The following CCDC60 variants were observed in gnomAD, a reference collection of about 807,000 sequenced individuals.
CCDC60 encodes the protein coiled-coil domain containing 60.
In CCDC60, 54 loss-of-function variants were observed where a neutral mutation model predicts 63.5. The ratio of observed to expected loss-of-function variants is 0.85; its 90% CI spans 0.68 to 1.07. The LOEUF is 1.07. Ranked by LOEUF, CCDC60 falls within the 50% of genes least tolerant of loss-of-function variation. CCDC60 has a pLI of 0.00. For missense variants in CCDC60, 651 were observed against 684.3 expected, an observed-to-expected ratio of 0.95 and a Z score of 0.54; for synonymous variants, 206 against 238.8, an observed-to-expected ratio of 0.86 and a Z score of 1.27.
At chr12:119,496,724 G>A (rs1157369272) in intron 5 of CCDC60, among the ~76,000 whole-genome samples, 5 of 152,166 alleles carry the variant, frequency 3.3e-5, no homozygotes, top group South Asian at 4.1e-4. Flanking sequence ...GGTTCAGAGA[G>A]ACTAAATTAC....
At position 119,505,239 on chromosome 12, in the gene CCDC60, C is replaced by T. The variant is rs1428036056; in HGVS notation, c.819C>T (p.Ser273=). 1 of 1,613,734 alleles carries T rather than the reference C, an allele frequency of 6.2e-7. No homozygotes were observed. The highest frequency in any genetic ancestry group is 8.5e-7 in the Non-Finnish European group (1 of 1,180,040). Residue 273 remains serine (S), a synonymous_variant, in exon 7 of 14, where the codon AGC becomes AGT. Transcript: ENST00000327554. ...CAAGTGTGAACACCCAGGTGACCAG[C>T]AGCAAGGACATTGAGGACAATGAGT... is the stretch of plus-strand genomic sequence containing the variant. ...EPPSVNTQVT[S]SKDIEDNESS... is the part of the protein sequence containing the mutation.
At chr12:119,431,883 G>A (rs1452199333) in intron 2 of CCDC60, among the ~76,000 whole-genome samples, 3 of 152,106 alleles carry the variant, frequency 2.0e-5, no homozygotes, top group Non-Finnish European at 4.4e-5. Context: ...GTTTCACCAC[G>A]TTAGCCAGGA....
chr12:119,456,069 A>G lies in CCDC60; in HGVS notation c.171-15925A>G, dbSNP rs1395311062. Among the ~76,000 whole-genome samples, 1 of 87,076 alleles carries G rather than the reference A, an allele frequency of 1.1e-5. No homozygotes were observed. Among genetic ancestry groups the G allele is most frequent in the East Asian group, 4.2e-4 (1 of 2,402 alleles). 57.1% of individuals were successfully genotyped at this position (87,076 alleles called of 152,430 possible). ...AAAGAAAGAAAGAAAGAAAGCAAGC[A>G]AGCATGTGCAATTTCAAGGGGGTAG... On this transcript the variant is annotated intron_variant, in intron 2 of 13. Coordinates refer to ENST00000327554, the MANE Select transcript of CCDC60 (RefSeq NM_178499.5). This position sits in a 1 kb window ranked among gnomAD's most constrained non-coding sequence, Gnocchi z 4.6.
At position 119,418,386 on chromosome 12, in the gene CCDC60, C is replaced by CTTTTTTTTTT. The variant is rs556783132; in HGVS notation, c.91-10260_91-10251dup. On this transcript the variant is annotated intron_variant, in intron 1 of 13. Transcript: ENST00000327554. Reference sequence around the variant, plus strand: ...TCTTTCTTTTTCCTTTTCTTTCTTTCTTTTTTTTTTTTTTTTTTTTTTTTT... The same window carrying CTTTTTTTTTT: ...TCTTTCTTTTTCCTTTTCTTTCTTTCTTTTTTTTTTTTTTTTTTTTTTTTTTTTTTTTTTT... 3.5e-4 allele frequency among the ~76,000 whole-genome samples: 23 copies of CTTTTTTTTTT among 65,760 alleles called. 3 individuals carry two copies. Among genetic ancestry groups the CTTTTTTTTTT allele is most frequent in the Non-Finnish European group, 5.6e-4 (21 of 37,254 alleles). 43.1% of individuals were successfully genotyped at this position (65,760 alleles called of 152,430 possible).
intron 11 of CCDC60, chr12:119,524,363 T>C (rs544573662): frequency 1.3e-6 from 1 of 760,336 alleles, no homozygotes; most frequent in East Asian, 1.3e-4. Flanking sequence ...TTCCCTGTTC[T>C]GATAACCCAA....
At position 119,540,815 on chromosome 12, in the gene CCDC60, A is replaced by G. The variant is rs1051126403; in HGVS notation, c.*100A>G. On this transcript the variant is annotated 3_prime_UTR_variant, in exon 14 of 14. Transcript: ENST00000327554. Reference sequence around the variant, plus strand: ...TCCTGCCTCCTGACTACCCTCATGGATGCTCTTTATGGATGACCCTTTACA... The same window carrying G: ...TCCTGCCTCCTGACTACCCTCATGGGTGCTCTTTATGGATGACCCTTTACA... 2.5e-6 allele frequency: 2 copies of G among 790,160 alleles called. No homozygotes were observed. The highest frequency in any genetic ancestry group is 4.2e-6 in the Non-Finnish European group (2 of 475,066). The allele number at this position is 790,160 out of a possible 1,614,324, so 48.9% of individuals were successfully genotyped here. A position where few individuals can be genotyped will look rare whatever the true frequency, so the allele number is the denominator to read the frequency against.
In CCDC60 at chr12:119,523,328, G is replaced by A. The variant is rs570016017; in HGVS notation, c.1103+327G>A. Among the ~76,000 whole-genome samples the A allele has an allele frequency of 8.3e-4, 126 of 152,350 alleles. 2 individuals carry two copies. Among genetic ancestry groups the A allele is most frequent in the Middle Eastern group, 6.8e-3 (2 of 294 alleles). On this transcript the variant is annotated intron_variant, in intron 10 of 13. Transcript: ENST00000327554. ...AAGGAGCAGGCTGAAACCTGGCCAC[G>A]TGAAATGTCTTGCCTGAGGCCACAC...
chr12:119,436,795 C>A (rs1950334817), intron 2 of CCDC60, among the ~76,000 whole-genome samples: 1 of 152,156 alleles, frequency 6.6e-6, no homozygotes, highest in African/African-American at 2.4e-5. Flanking sequence ...CCTCGGCCTC[C>A]CAGAGTGCTG....
Position 119,500,079 on chromosome 12 carries a change from G to C in CCDC60, c.559G>C (p.Asp187His). The change falls in exon 6 of 14, where the codon GAC (aspartate) becomes CAC (histidine). Residue 187 changes from aspartate (D) to histidine (H), a missense_variant and splice_region_variant. By Grantham distance (81) the Asp-to-His change is moderately conservative. Coordinates refer to ENST00000327554, the MANE Select transcript of CCDC60 (RefSeq NM_178499.5). ...KPVITCWNPK[D>H]PGGSKSTIKK... is the part of the protein sequence containing the mutation. ...CTCATTAAGCTGTTTCTCACTCAGG[G>C]ACCCGGGTGGAAGCAAGAGCACCAT... 6.2e-7 allele frequency: 1 copy of C among 1,609,174 alleles called. No individual in the cohort carries two copies. The highest frequency in any genetic ancestry group is 8.5e-7 in the Non-Finnish European group (1 of 1,175,922).
In CCDC60 at chr12:119,410,727, G is replaced by A. The variant is rs1228306400; in HGVS notation, c.91-17956G>A. 6.6e-6 allele frequency among the ~76,000 whole-genome samples: 1 copy of A among 151,948 alleles called. No homozygotes were observed. Among genetic ancestry groups the A allele is most frequent in the African/African-American group, 2.4e-5 (1 of 41,282 alleles). ...GGATGATATCCCCATAACAAAAGAC[G>A]TATTAATGAAAGAAAAGCATAACAA... On this transcript the variant is annotated intron_variant, in intron 1 of 13. Coordinates refer to ENST00000327554, the MANE Select transcript of CCDC60 (RefSeq NM_178499.5). This position sits in a 1 kb window ranked among gnomAD's most constrained non-coding sequence, Gnocchi z 4.0.
chr12:119,527,136 T>A (rs1382188015), intron 11 of CCDC60, among the ~76,000 whole-genome samples: 1 of 152,194 alleles, frequency 6.6e-6, no homozygotes, highest in African/African-American at 2.4e-5. Flanking sequence ...AGCTGAAGGC[T>A]ATGATCCTAG....
intron 2 of CCDC60, among the ~76,000 whole-genome samples, chr12:119,460,701 A>AT (rs1950840113): frequency 6.6e-6 from 1 of 152,198 alleles, no homozygotes; most frequent in African/African-American, 2.4e-5. Flanking sequence ...TTATGTGTTC[A>AT]TTCAATTCAT....
At chr12:119,439,896 A>G (rs530850319) in intron 2 of CCDC60, among the ~76,000 whole-genome samples, 178 of 152,340 alleles carry the variant, frequency 1.2e-3, no homozygotes, top group Non-Finnish European at 2.2e-3. Flanking sequence ...GATTCTCCCA[A>G]TGAGGGAAAA....
chr12:119,524,415 C>A (rs1952622913), intron 11 of CCDC60: 1 of 984,200 alleles, frequency 1.0e-6, no homozygotes. Context: ...CTCCAGAGAC[C>A]ATCCATCCCG....
chr12:119,539,061 G>A (rs1953086359), intron 13 of CCDC60, among the ~76,000 whole-genome samples: 1 of 152,180 alleles, frequency 6.6e-6, no homozygotes, highest in African/African-American at 2.4e-5. Flanking sequence ...TCCTTCCTCT[G>A]GAAGCTTCAT....
chr12:119,423,457 G>T (rs1956848964), intron 1 of CCDC60, among the ~76,000 whole-genome samples: 1 of 152,122 alleles, frequency 6.6e-6, no homozygotes, highest in East Asian at 1.9e-4. Flanking sequence ...TTTCCCAGGG[G>T]CCCTTGCAGC....
At chr12:119,345,882 A>T (rs1387636926) in intron 1 of CCDC60, among the ~76,000 whole-genome samples, 1 of 151,166 alleles carries the variant, frequency 6.6e-6, no homozygotes, top group Non-Finnish European at 1.5e-5. Flanking sequence ...CAGTGGCGCG[A>T]TCTCAGCTCA....
chr12:119,505,467 G>A (rs1951972887), intron 7 of CCDC60, among the ~76,000 whole-genome samples, 164 bp downstream of exon 7: 1 of 152,228 alleles, frequency 6.6e-6, no homozygotes, highest in South Asian at 2.1e-4. Flanking sequence ...CCCCAGTGGA[G>A]ATCAGAAATA....
At chr12:119,471,422 T>G (rs1216519732) in intron 2 of CCDC60, among the ~76,000 whole-genome samples, 1 of 152,216 alleles carries the variant, frequency 6.6e-6, no homozygotes, top group Non-Finnish European at 1.5e-5. Context: ...AGAGCCCATC[T>G]TCTGTGCCAA....
Sources: allele counts gnomAD v4.1 joint callset (sites outside exome capture counted in the v4.1 genomes callset), GRCh38; gene constraint gnomAD v4.1.1; non-coding constraint Gnocchi (gnomAD v3.1); transcripts MANE v1.5; gene names NCBI Gene and HGNC (gene_info 2026-07-23, HGNC 2026-07-21).